Variants in NRP2 observed in about 807,000 individuals in gnomAD.
NRP2 encodes the protein neuropilin-2.
NRP2 carries 52 observed loss-of-function variants against 110.4 expected under a neutral mutation model. That is an observed-to-expected ratio of 0.47 (90% CI 0.38 to 0.59). The LOEUF is 0.59. Among genes scored for constraint, NRP2 ranks in the 20% least tolerant of loss-of-function variants. The pLI is 0.00. For synonymous variants in NRP2, 508 were observed against 468.9 expected, an observed-to-expected ratio of 1.08 and a Z score of -1.08; for missense variants, 1,049 against 1,203.0, an observed-to-expected ratio of 0.87 and a Z score of 1.89.
chr2:205,734,057 G>T (rs895925409), intron 7 of NRP2, among the ~76,000 whole-genome samples: 2 of 152,008 alleles, frequency 1.3e-5, no homozygotes, highest in African/African-American at 4.8e-5. Flanking sequence ...AAAACAGCCC[G>T]AAAGTAAAGG....
chr2:205,721,312 TAG>T (rs2057007254), intron 3 of NRP2, among the ~76,000 whole-genome samples: 1 of 152,204 alleles, frequency 6.6e-6, no homozygotes, highest in Non-Finnish European at 1.5e-5. Flanking sequence ...TTTTTATGCT[TAG>T]AGTGTCTATT....
chr2:205,769,441 A>G (rs961337029), intron 15 of NRP2, among the ~76,000 whole-genome samples: 1 of 151,366 alleles, frequency 6.6e-6, no homozygotes, highest in African/African-American at 2.4e-5. Context: ...ATTTCTTGCC[A>G]TGCAATATTA....
In NRP2 at chr2:205,763,274, G is replaced by A. The variant is rs1485142625; in HGVS notation, c.2045-400G>A. Among the ~76,000 whole-genome samples the A allele has an allele frequency of 1.3e-5, 2 of 151,810 alleles. No individual in the cohort carries two copies. Among genetic ancestry groups the A allele is most frequent in the Non-Finnish European group, 2.9e-5 (2 of 68,030 alleles). On this transcript the variant is annotated intron_variant, in intron 12 of 16. Coordinates refer to ENST00000357785, the MANE Select transcript of NRP2 (RefSeq NM_003872.3). The surrounding 1 kb of genome is among the most constrained non-coding windows in gnomAD (Gnocchi z 4.0). ...CTATAATCTGTCCCCTTGTAATTCA[G>A]TTCATCAGATTGCACTGGCCCTTTG...
At chr2:205,688,764 A>G (rs1368573960) in intron 1 of NRP2, among the ~76,000 whole-genome samples, 3 of 152,238 alleles carry the variant, frequency 2.0e-5, no homozygotes, top group East Asian at 3.8e-4. Flanking sequence ...CCTATCCAGT[A>G]GAACAATAAC....
intron 3 of NRP2, among the ~76,000 whole-genome samples, chr2:205,720,763 C>T (rs3755244): frequency 0.49 from 74,246 of 152,062 alleles, 18,959 homozygotes; most frequent in African/African-American, 0.62. Flanking sequence ...CTCAGGAGTC[C>T]GAAGCCCAAT....
rs758633583 is a variant in NRP2, at chr2:205,763,751, C to T, written c.2122C>T (p.His708Tyr). The change falls in exon 13 of 17, where the codon CAC (histidine) becomes TAC (tyrosine). Residue 708 changes from histidine to tyrosine, a missense_variant. By Grantham distance (83) the His-to-Tyr change is moderately conservative. Transcript: ENST00000357785. The surrounding 1 kb of genome is among the most constrained non-coding windows in gnomAD (Gnocchi z 4.0). ...TGCCCGGCTCATCAGCCCCCCTGTCCACCTGCCCCGAAGCCCGGTGTGCAT... is the reference window on the plus strand; with the variant it reads ...TGCCCGGCTCATCAGCCCCCCTGTCTACCTGCCCCGAAGCCCGGTGTGCAT... ...QYARLISPPVHLPRSPVCMEF... is the reference protein window; with the variant it reads ...QYARLISPPVYLPRSPVCMEF... The T allele has an allele frequency of 1.9e-6, 3 of 1,614,242 alleles. No individual in the cohort carries two copies. In the East Asian group the frequency reaches 6.7e-5, roughly 36 times the overall value.
chr2:205,712,500 C>T (rs577477513), intron 2 of NRP2, among the ~76,000 whole-genome samples: 1 of 152,166 alleles, frequency 6.6e-6, no homozygotes, highest in Non-Finnish European at 1.5e-5. Flanking sequence ...ACACTAGATG[C>T]AAAGCCGTAT....
chr2:205,743,135 T>C (rs993683342), intron 8 of NRP2, 68 bp from the exon 9 acceptor site: 25 of 1,600,156 alleles, frequency 1.6e-5, no homozygotes, highest in Non-Finnish European at 2.0e-5. Context: ...GCTCCCTTCT[T>C]ATAGCGGGTG....
chr2:205,771,153 A>C (rs1322755346), intron 15 of NRP2, among the ~76,000 whole-genome samples: 3 of 152,210 alleles, frequency 2.0e-5, no homozygotes, highest in Non-Finnish European at 2.9e-5. Context: ...AGGCATTTAA[A>C]AATGCCTCTA....
rs979904695 is a variant in NRP2 at position 205,795,467 on chromosome 2, A to G, written c.*409A>G. On this transcript the variant is annotated 3_prime_UTR_variant, in exon 17 of 17. Transcript: ENST00000357785. ...GACTTTTCCAGAATAGAAGTGGAGC[A>G]GTGATCATTATTCTCCGCTTTCTCT... The G allele has an allele frequency of 6.6e-6, 1 of 152,358 alleles. No homozygotes were observed. The highest frequency in any genetic ancestry group is 1.5e-5 in the Non-Finnish European group (1 of 68,084). The allele number at this position is 152,358 out of a possible 1,614,324, so 9.4% of individuals were successfully genotyped here.
intron 4 of NRP2, 121 bp from the exon 5 acceptor site, chr2:205,723,664 A>T: frequency 1.0e-6 from 1 of 1,002,008 alleles, no homozygotes; most frequent in East Asian, 2.6e-5. Flanking sequence ...TTTGGTTTTT[A>T]TGGCAAGATG....
At chr2:205,785,821 CTAG>C (rs1229715853) in intron 15 of NRP2, among the ~76,000 whole-genome samples, 8 of 152,298 alleles carry the variant, frequency 5.3e-5, no homozygotes, top group African/African-American at 9.6e-5. Flanking sequence ...GTGTTTCCTT[CTAG>C]TTATTCAACT....
At chr2:205,791,207 G>A (rs1237591937) in intron 15 of NRP2, among the ~76,000 whole-genome samples, 1 of 152,116 alleles carries the variant, frequency 6.6e-6, no homozygotes, top group Non-Finnish European at 1.5e-5. Flanking sequence ...AGCCGTTTGG[G>A]ATTTTGATTT....
At chr2:205,776,546 A>G (rs1415346568) in intron 15 of NRP2, 3 of 1,601,406 alleles carry the variant, frequency 1.9e-6, no homozygotes, top group Non-Finnish European at 2.5e-6. Flanking sequence ...CAAGAACAGC[A>G]CCCAAAACAA....
intron 8 of NRP2, among the ~76,000 whole-genome samples, chr2:205,742,234 C>T (rs1160971843): frequency 1.3e-5 from 2 of 152,220 alleles, no homozygotes; most frequent in African/African-American, 2.4e-5. Context: ...CCCTGCCTTG[C>T]CTGACATCAT....
chr2:205,713,121 G>A (rs1267863867), intron 2 of NRP2, among the ~76,000 whole-genome samples: 1 of 152,070 alleles, frequency 6.6e-6, no homozygotes, highest in Non-Finnish European at 1.5e-5. Context: ...GGCATTTGTT[G>A]GGCAGCCCTG....
chr2:205,720,262 C>CTT lies in NRP2; in HGVS notation c.434-2196_434-2195dup, dbSNP rs202203741. Among the ~76,000 whole-genome samples, 11 of 129,188 alleles carry CTT rather than the reference C, an allele frequency of 8.5e-5. No individual in the cohort carries two copies. In the East Asian group the frequency reaches 1.1e-3, roughly 13 times the overall value. 84.8% of individuals were successfully genotyped at this position (129,188 alleles called of 152,430 possible). A position where few individuals can be genotyped will look rare whatever the true frequency, so the allele number is the denominator to read the frequency against. On this transcript the variant is annotated intron_variant, in intron 3 of 16. Coordinates refer to ENST00000357785, the MANE Select transcript of NRP2 (RefSeq NM_003872.3). ...ATATATCAGAAATGCTTTTTTCTTT[C>CTT]TTTTTTTTTTTTTTTTTTTTTGCCT...
chr2:205,792,306 G>T, intron 16 of NRP2, 21 bp downstream of exon 16: 1 of 1,586,554 alleles, frequency 6.3e-7, no homozygotes, highest in Non-Finnish European at 8.7e-7. Flanking sequence ...TTATGATTTA[G>T]CAGGTAATCG....
In NRP2 at chr2:205,763,553, C is replaced by T. The variant is rs2057859371; in HGVS notation, c.2045-121C>T. 1 of 1,277,820 alleles carries T rather than the reference C, an allele frequency of 7.8e-7. No homozygotes were observed. The highest frequency in any genetic ancestry group is 1.7e-5 in the Admixed American group (1 of 59,500). The allele number at this position is 1,277,820 out of a possible 1,614,324, so 79.2% of individuals were successfully genotyped here. A position where few individuals can be genotyped will look rare whatever the true frequency, so the allele number is the denominator to read the frequency against. On this transcript the variant is annotated intron_variant, in intron 12 of 16. Transcript: ENST00000357785. This position sits in a 1 kb window ranked among gnomAD's most constrained non-coding sequence, Gnocchi z 4.0. Reference sequence around the variant, plus strand: ...GGTCACAGAGCCTGGAGAACAAGGACATGAATAAACCAAAGACACCGAAAC... The same window carrying T: ...GGTCACAGAGCCTGGAGAACAAGGATATGAATAAACCAAAGACACCGAAAC...
Sources: gnomAD v4.1 joint callset for allele counts (sites outside exome capture counted in the v4.1 genomes callset) on GRCh38, gnomAD v4.1.1 for gene constraint, Gnocchi (gnomAD v3.1) non-coding constraint, MANE v1.5 for transcripts, NCBI Gene and HGNC (gene_info 2026-07-23, HGNC 2026-07-21) for gene names.